The following METTL23 variants were observed in gnomAD, a reference collection of about 807,000 sequenced individuals.
The protein encoded by METTL23 is histone-arginine methyltransferase METTL23.
METTL23 carries 24 observed loss-of-function variants against 21.2 expected under a neutral mutation model. That is an observed-to-expected ratio of 1.13 (90% CI 0.82 to 1.59). The LOEUF (loss-of-function observed/expected upper bound fraction) is 1.59, where lower values mean the gene tolerates loss of function less well. Ranked by LOEUF, METTL23 falls within the 40% of genes most tolerant of loss-of-function variation. The probability of loss-of-function intolerance (pLI) is 0.00; values close to 1 mark genes in which losing one functional copy is unlikely to be tolerated. For missense variants in METTL23, 276 were observed against 221.4 expected, an observed-to-expected ratio of 1.25 and a Z score of -1.57; for synonymous variants, 97 against 75.2, an observed-to-expected ratio of 1.29 and a Z score of -1.50.
Position 76,733,758 on chromosome 17 carries a change from C to A in METTL23, c.*72C>A. ...ACCTGGCACACAAACTATGAGCAGA[C>A]CACTTCAGCTTGAGAATGCAGTGGG... On this transcript the variant is annotated 3_prime_UTR_variant, in exon 5 of 5. Transcript: ENST00000341249. 1.5e-6 allele frequency: 2 copies of A among 1,378,408 alleles called. No homozygotes were observed. Among genetic ancestry groups the A allele is most frequent in the Non-Finnish European group, 9.9e-7 (1 of 1,013,824 alleles). The allele number at this position is 1,378,408 out of a possible 1,614,324, so 85.4% of individuals were successfully genotyped here.
chr17:76,730,593 C>T (rs1271851532), intron 2 of METTL23, among the ~76,000 whole-genome samples: 2 of 152,232 alleles, frequency 1.3e-5, no homozygotes, highest in African/African-American at 4.8e-5. Context: ...TTTTAGGTGT[C>T]CCAGCAGTGT....
intron 2 of METTL23, among the ~76,000 whole-genome samples, chr17:76,731,946 C>T (rs2077223366): frequency 1.3e-5 from 2 of 152,210 alleles, no homozygotes; most frequent in Non-Finnish European, 2.9e-5. Context: ...TTCTTAGTGT[C>T]TGCAAAGCAT....
Position 76,727,135 on chromosome 17 carries a change from G to T in METTL23, c.-65G>T, listed in dbSNP as rs765040661. The T allele has an allele frequency of 8.9e-6, 4 of 451,268 alleles. No individual in the cohort carries two copies. The highest frequency in any genetic ancestry group is 6.2e-5 in the South Asian group (4 of 64,292). 28.0% of individuals were successfully genotyped at this position (451,268 alleles called of 1,614,324 possible). On this transcript the variant is annotated 5_prime_UTR_variant, in exon 1 of 5. Coordinates refer to ENST00000341249, the MANE Select transcript of METTL23 (RefSeq NM_001080510.5). ...CGCTTTCGATTCTCGGAGGAGCCGG[G>T]TCCGGGGGCCGACGGGGCTGTCCTG...
intron 2 of METTL23, chr17:76,732,733 A>G: frequency 3.6e-6 from 2 of 553,250 alleles, no homozygotes; most frequent in Non-Finnish European, 3.2e-6. Context: ...GCCAGTTACG[A>G]TACATGGCCC....
chr17:76,733,191 T>C lies in METTL23; in HGVS notation c.298T>C (p.Ser100Pro). Reference sequence around the variant, plus strand: ...ACCACCACAAGATATTATCCTTGCATCTGATGTGTTCTTTGAACCAGAAGG... The same window carrying C: ...ACCACCACAAGATATTATCCTTGCACCTGATGTGTTCTTTGAACCAGAAGG... ...ALPPQDIILA[S>P]DVFFEPEDFE... The change falls in exon 3 of 5, where the codon TCT (serine) becomes CCT (proline). Residue 100 changes from serine (S) to proline (P), a missense_variant. Transcript: ENST00000341249. 3 of 1,613,892 alleles carry C rather than the reference T, an allele frequency of 1.9e-6. No homozygotes were observed. Among genetic ancestry groups the C allele is most frequent in the African/African-American group, 1.3e-5 (1 of 75,060 alleles).
At chr17:76,732,650 T>C (rs1023378370) in intron 2 of METTL23, 18 of 336,156 alleles carry the variant, frequency 5.4e-5, no homozygotes, top group Admixed American at 1.3e-4. Flanking sequence ...CTCAAAAAAA[T>C]AAAACAAAAC....
chr17:76,733,451 TAAG>T (rs764117987), intron 4 of METTL23, 67 bp from the exon 5 acceptor site: 42 of 1,598,242 alleles, frequency 2.6e-5, no homozygotes, highest in Admixed American at 2.1e-4. Context: ...ATACATAATT[TAAG>T]AATAGAATAC....
chr17:76,732,816 T>C (rs2077280503), intron 2 of METTL23, 162 bp from the exon 3 acceptor site: 6 of 636,126 alleles, frequency 9.4e-6, no homozygotes, highest in Admixed American at 8.6e-5. Flanking sequence ...ACTTTTGTCA[T>C]GTTTATAGTA....
At chr17:76,729,465 G>A (rs2077105120) in intron 1 of METTL23, among the ~76,000 whole-genome samples, 1 of 152,196 alleles carries the variant, frequency 6.6e-6, no homozygotes, top group African/African-American at 2.4e-5. Context: ...CCCAGTCTGA[G>A]AATGATCCCT....
intron 1 of METTL23, 47 bp from the exon 2 acceptor site, chr17:76,729,643 C>A: frequency 7.5e-7 from 1 of 1,326,784 alleles, no homozygotes; most frequent in Non-Finnish European, 1.1e-6. Context: ...ATGATTCCAA[C>A]TTCCAGCAGC....
chr17:76,731,118 A>AT (rs60582962), intron 2 of METTL23, among the ~76,000 whole-genome samples: 3 of 144,686 alleles, frequency 2.1e-5, no homozygotes, highest in Admixed American at 2.0e-4. Flanking sequence ...AAAAAAAAAA[A>AT]GATAAAATTA....
At chr17:76,727,228 T>G (rs2076979968) in intron 1 of METTL23, 50 bp downstream of exon 1, 1 of 358,068 alleles carries the variant, frequency 2.8e-6, no homozygotes, top group Admixed American at 3.7e-5. Flanking sequence ...GGAGCGGATG[T>G]CGGCTGACTT....
In METTL23 at chr17:76,729,748, A is replaced by G. The variant is rs1355068367; in HGVS notation, c.38A>G (p.Tyr13Cys). 1.2e-6 allele frequency: 2 copies of G among 1,600,310 alleles called. No homozygotes were observed. The highest frequency in any genetic ancestry group is 2.2e-5 in the East Asian group (1 of 44,650). The part of the protein sequence containing the change: ...VWPCAVVLAQ[Y>C]LWFHRRSLPG... ...CCCTGTGCTGTGGTCCTGGCCCAGTACCTTTGGTTTCACAGAAGATCTCTG... is the reference window on the plus strand; with the variant it reads ...CCCTGTGCTGTGGTCCTGGCCCAGTGCCTTTGGTTTCACAGAAGATCTCTG... Residue 13 changes from tyrosine (Y) to cysteine (C), a missense_variant, in exon 2 of 5, where the codon TAC becomes TGC. Coordinates refer to ENST00000341249, the MANE Select transcript of METTL23 (RefSeq NM_001080510.5).
chr17:76,732,916 G>A, intron 2 of METTL23, 62 bp from the exon 3 acceptor site: 3 of 1,335,996 alleles, frequency 2.2e-6, no homozygotes, highest in Non-Finnish European at 3.1e-6. Flanking sequence ...AAAGTACTAA[G>A]ATTCCCAATT....
At position 76,727,003 on chromosome 17, in the gene METTL23, C is replaced by G; in HGVS notation, c.-197C>G. 1 of 456,330 alleles carries G rather than the reference C, an allele frequency of 2.2e-6. No individual in the cohort carries two copies. Among genetic ancestry groups the G allele is most frequent in the Non-Finnish European group, 4.4e-6 (1 of 226,806 alleles). The allele number at this position is 456,330 out of a possible 1,614,324, so 28.3% of individuals were successfully genotyped here. A position where few individuals can be genotyped will look rare whatever the true frequency, so the allele number is the denominator to read the frequency against. On this transcript the variant is annotated 5_prime_UTR_variant, in exon 1 of 5. Coordinates refer to ENST00000341249, the MANE Select transcript of METTL23 (RefSeq NM_001080510.5). ...GCCACGTGGCCCGCGGCTTCCCGCT[C>G]GCGCAGTCTGGCAGCCCGGAGCCTT...
At chr17:76,730,410 C>G (rs2077153492) in intron 2 of METTL23, among the ~76,000 whole-genome samples, 1 of 152,118 alleles carries the variant, frequency 6.6e-6, no homozygotes. Context: ...TGATACCAGC[C>G]TGGTCAACAT....
rs369909094 is a variant in METTL23 at position 76,729,221 on chromosome 17, G to A, written c.-21-469G>A. ...TTTTCCCGCCTCAGCTGGGATTACAGGCACGTGCCACCATGCCCGGCTAAT... is the reference window on the plus strand; with the variant it reads ...TTTTCCCGCCTCAGCTGGGATTACAAGCACGTGCCACCATGCCCGGCTAAT... On this transcript the variant is annotated intron_variant, in intron 1 of 4. Coordinates refer to ENST00000341249, the MANE Select transcript of METTL23 (RefSeq NM_001080510.5). 3.4e-4 allele frequency among the ~76,000 whole-genome samples: 52 copies of A among 152,092 alleles called. No individual in the cohort carries two copies. The South Asian group carries it at 0.011, about 31-fold the overall frequency.
chr17:76,729,899 C>T (rs773788314), intron 2 of METTL23, 105 bp downstream of exon 2: 49 of 832,554 alleles, frequency 5.9e-5, no homozygotes, highest in Non-Finnish European at 8.8e-5. Context: ...ATTTTTAAAT[C>T]GGGTAATTTA....
Position 76,733,520 on chromosome 17 carries a change from G to A in METTL23, c.408-1G>A. On this transcript the variant is annotated splice_acceptor_variant, in intron 4 of 4. Coordinates refer to ENST00000341249, the MANE Select transcript of METTL23 (RefSeq NM_001080510.5). LOFTEE classifies it high-confidence loss of function. ...TAAAAGAACAACTTTTTTTTTTTAA[G>A]TGCTGACTGGTCACTTGAAGCTTTA... is the stretch of plus-strand genomic sequence containing the variant. 1 of 1,598,672 alleles carries A rather than the reference G, an allele frequency of 6.3e-7. No individual in the cohort carries two copies. The highest frequency in any genetic ancestry group is 8.5e-7 in the Non-Finnish European group (1 of 1,174,988).
Sources: gnomAD v4.1 joint callset for allele counts (sites outside exome capture counted in the v4.1 genomes callset) on GRCh38, gnomAD v4.1.1 for gene constraint, MANE v1.5 for transcripts, NCBI Gene and HGNC (gene_info 2026-07-23, HGNC 2026-07-21) for gene names.